OPCML: variants seen among roughly 807,000 people sequenced by gnomAD.
OPCML encodes opioid-binding protein/cell adhesion molecule.
A neutral mutation model predicts 37.8 loss-of-function variants in OPCML; 13 were observed. The ratio of observed to expected loss-of-function variants is 0.34; its 90% CI spans 0.22 to 0.55. OPCML has a LOEUF of 0.55. Ranked by LOEUF, OPCML falls within the 20% of genes least tolerant of loss-of-function variation. OPCML has a pLI of 0.91. For missense variants in OPCML, 341 were observed against 435.6 expected (o/e 0.78, Z 1.93); for synonymous variants, 176 against 168.8 (o/e 1.04, Z -0.33).
chr11:133,378,417 C>G (rs79425555), intron 1 of OPCML, among the ~76,000 whole-genome samples: 3,894 of 152,206 alleles, frequency 0.026, 93 homozygotes, highest in African/African-American at 0.07. Context: ...TGGTGGGCAG[C>G]ACAAATTCTA....
intron 1 of OPCML, among the ~76,000 whole-genome samples, chr11:133,460,708 C>G (rs950865453): frequency 2.6e-5 from 4 of 151,724 alleles, no homozygotes; most frequent in Non-Finnish European, 5.9e-5. Context: ...AAAAAACTCA[C>G]GACAAATAAA....
chr11:132,546,210 C>A (rs1209774720), intron 3 of OPCML, among the ~76,000 whole-genome samples: 1 of 152,160 alleles, frequency 6.6e-6, no homozygotes, highest in Non-Finnish European at 1.5e-5. Flanking sequence ...TGCCCAGGGA[C>A]TTCCCAGTGA....
chr11:132,829,132 G>A (rs1940536034), intron 2 of OPCML, among the ~76,000 whole-genome samples: 1 of 152,144 alleles, frequency 6.6e-6, no homozygotes, highest in East Asian at 1.9e-4. Flanking sequence ...TCTAGTATTA[G>A]AAGAATCCAG....
intron 7 of OPCML, among the ~76,000 whole-genome samples, chr11:132,433,923 C>T (rs546497001): frequency 6.6e-6 from 1 of 152,304 alleles, no homozygotes; most frequent in African/African-American, 2.4e-5. Context: ...TAAGCTATCC[C>T]ATCGGTAGTA....
intron 4 of OPCML, among the ~76,000 whole-genome samples, chr11:132,495,939 A>T (rs1429425638): frequency 6.6e-6 from 1 of 152,206 alleles, no homozygotes; most frequent in African/African-American, 2.4e-5. Flanking sequence ...AGTTAAGCCA[A>T]GTTGATTCAT....
chr11:132,444,665 C>T (rs2096048698), intron 4 of OPCML, among the ~76,000 whole-genome samples: 1 of 152,090 alleles, frequency 6.6e-6, no homozygotes, highest in Non-Finnish European at 1.5e-5. Flanking sequence ...TCCCCCTCTC[C>T]CTCTCCTATT....
Position 133,532,081 on chromosome 11 carries a change from G to A in OPCML, c.61+183C>T, listed in dbSNP as rs1216317852. 7.0e-6 allele frequency: 4 copies of A among 567,456 alleles called. No individual in the cohort carries two copies. In the East Asian group the frequency reaches 5.8e-4, roughly 82 times the overall value. The allele number at this position is 567,456 out of a possible 1,614,324, so 35.2% of individuals were successfully genotyped here. ...AATCCCGTGCTGAAAGCATCTGCGC[G>A]CGTGTGAGCGAGTGAGTGTGTGTGT... On this transcript the variant is annotated intron_variant, in intron 1 of 7. Transcript: ENST00000524381.
At position 132,436,126 on chromosome 11, in the gene OPCML, C is replaced by T. The variant is rs150470513; in HGVS notation, c.876G>A (p.Thr292=). 2.0e-5 allele frequency: 32 copies of T among 1,614,034 alleles called. No homozygotes were observed. In the South Asian group the frequency reaches 2.7e-4, roughly 14 times the overall value. ...KDYGNYTCVA[T]NKLGNTNASI... is the part of the protein sequence containing the mutation. ...TGGCATTGGTGTTCCCAAGCTTGTT[C>T]GTGGCCACACAAGTATAGTTCCCAT... Residue 292 remains threonine, a synonymous_variant, in exon 7 of 8, where the codon ACG becomes ACA. Coordinates refer to ENST00000524381, the MANE Select transcript of OPCML (RefSeq NM_001012393.5).
chr11:132,734,070 T>C (rs1183030850), intron 2 of OPCML, among the ~76,000 whole-genome samples: 1 of 152,230 alleles, frequency 6.6e-6, no homozygotes, highest in Non-Finnish European at 1.5e-5. Context: ...CAGAGTGTTT[T>C]TATGAAGACT....
intron 1 of OPCML, among the ~76,000 whole-genome samples, chr11:133,197,265 C>A (rs921605465): frequency 1.3e-5 from 2 of 152,162 alleles, no homozygotes; most frequent in African/African-American, 2.4e-5. Context: ...AATCTGAAAG[C>A]CTTGGCGAGG....
intron 1 of OPCML, among the ~76,000 whole-genome samples, chr11:133,109,427 T>C (rs1478658761): frequency 6.6e-6 from 1 of 152,174 alleles, no homozygotes; most frequent in African/African-American, 2.4e-5. Context: ...TGCCCTTTTT[T>C]CAATCCTCCC....
chr11:132,450,306 T>C (rs1390946501), intron 4 of OPCML, among the ~76,000 whole-genome samples: 4 of 152,216 alleles, frequency 2.6e-5, no homozygotes, highest in African/African-American at 9.6e-5. Flanking sequence ...AAAATGTCGC[T>C]GTGAGGGAGA....
At chr11:132,679,971 C>T (rs983731687) in intron 2 of OPCML, among the ~76,000 whole-genome samples, 1 of 152,092 alleles carries the variant, frequency 6.6e-6, no homozygotes, top group African/African-American at 2.4e-5. Flanking sequence ...TTAGTAGATG[C>T]AAGAGTAGAG....
At chr11:132,814,705 C>T (rs1426163853) in intron 2 of OPCML, among the ~76,000 whole-genome samples, 2 of 152,154 alleles carry the variant, frequency 1.3e-5, no homozygotes, top group African/African-American at 2.4e-5. Flanking sequence ...GACCCAGTCA[C>T]GTTGACATGT....
At chr11:132,650,463 C>G (rs528742798) in intron 3 of OPCML, among the ~76,000 whole-genome samples, 4 of 152,174 alleles carry the variant, frequency 2.6e-5, no homozygotes, top group Non-Finnish European at 5.9e-5. Flanking sequence ...AAGTCAAGGA[C>G]ATGACGCCCA....
At chr11:132,639,201 G>A (rs1218228498) in intron 3 of OPCML, among the ~76,000 whole-genome samples, 1 of 152,206 alleles carries the variant, frequency 6.6e-6, no homozygotes, top group Non-Finnish European at 1.5e-5. Flanking sequence ...GAGCAGGCGG[G>A]TGGTCTGAAA....
intron 2 of OPCML, among the ~76,000 whole-genome samples, chr11:132,687,481 T>C (rs1054922874): frequency 6.9e-6 from 1 of 143,924 alleles, no homozygotes; most frequent in African/African-American, 2.5e-5. Context: ...TTTAAGATCC[T>C]TAACATAAAT....
chr11:133,308,731 T>C (rs1007025036), intron 1 of OPCML, among the ~76,000 whole-genome samples: 2 of 152,094 alleles, frequency 1.3e-5, no homozygotes, highest in Non-Finnish European at 2.9e-5. Flanking sequence ...CATTCATCAA[T>C]ACAGATAACA....
At chr11:132,850,161 C>CT (rs905183587) in intron 2 of OPCML, among the ~76,000 whole-genome samples, 1 of 152,154 alleles carries the variant, frequency 6.6e-6, no homozygotes, top group Non-Finnish European at 1.5e-5. Flanking sequence ...AGGCATCCTC[C>CT]TTACTAAACA....
Sources: allele counts gnomAD v4.1 joint callset (sites outside exome capture counted in the v4.1 genomes callset), GRCh38; gene constraint gnomAD v4.1.1; transcripts MANE v1.5; gene names NCBI Gene and HGNC (gene_info 2026-07-23, HGNC 2026-07-21).